Variants in PRDM10 observed in about 807,000 individuals in gnomAD.
PRDM10 encodes the protein PR/SET domain 10.
In PRDM10, 65 loss-of-function variants were observed where a neutral mutation model predicts 133.1. The ratio of observed to expected loss-of-function variants is 0.49; its 90% CI spans 0.40 to 0.60. The LOEUF (loss-of-function observed/expected upper bound fraction) is 0.60. Ranked by LOEUF, PRDM10 falls within the 20% of genes least tolerant of loss-of-function variation. PRDM10 has a pLI of 0.00. For synonymous variants in PRDM10, 582 were observed against 580.4 expected (o/e 1.00, Z -0.04); for missense variants, 1,137 against 1,507.1 (o/e 0.75, Z 4.07).
chr11:129,942,324 CT>C, intron 7 of PRDM10, 101 bp downstream of exon 7: 6 of 1,252,214 alleles, frequency 4.8e-6, no homozygotes, highest in Non-Finnish European at 6.6e-6. Flanking sequence ...CCCCCTCCCC[CT>C]TTTTTGTTAA....
intron 1 of PRDM10, among the ~76,000 whole-genome samples, chr11:129,977,220 AG>A (rs1937807680): frequency 6.6e-6 from 1 of 151,346 alleles, no homozygotes; most frequent in East Asian, 1.9e-4. Context: ...GAGCTACTAA[AG>A]CCTAGAAATT....
intron 19 of PRDM10, among the ~76,000 whole-genome samples, chr11:129,905,987 A>C (rs1950004830): frequency 6.6e-6 from 1 of 152,244 alleles, no homozygotes; most frequent in Non-Finnish European, 1.5e-5. Context: ...ATATCCACAA[A>C]GACAAATACT....
intron 1 of PRDM10, among the ~76,000 whole-genome samples, chr11:129,984,845 T>G (rs956149920): frequency 2.0e-5 from 3 of 152,186 alleles, no homozygotes; most frequent in African/African-American, 7.2e-5. Context: ...AACAGCCATC[T>G]CCTCTGCGAG....
chr11:130,000,564 T>C (rs960560150), intron 1 of PRDM10, among the ~76,000 whole-genome samples: 1 of 152,150 alleles, frequency 6.6e-6, no homozygotes, highest in African/African-American at 2.4e-5. Context: ...TGACATACAA[T>C]ATATGATTAA....
chr11:129,914,613 C>T, intron 17 of PRDM10, 91 bp downstream of exon 17: 1 of 1,539,194 alleles, frequency 6.5e-7, no homozygotes, highest in Non-Finnish European at 9.0e-7. Flanking sequence ...CGCAGAAGGA[C>T]ATTACATAGA....
In PRDM10 at chr11:129,947,079, C is replaced by A. The variant is rs543126079; in HGVS notation, c.520+66G>T. 2.5e-6 allele frequency: 4 copies of A among 1,576,106 alleles called. No individual in the cohort carries two copies. Among genetic ancestry groups the A allele is most frequent in the African/African-American group, 2.7e-5 (2 of 74,340 alleles). The stretch of plus-strand genomic sequence containing the variant: ...CGCACGGGAGCTATGTTCACACACA[C>A]GCACACGTACACAGACACACAAGAT... On this transcript the variant is annotated intron_variant, in intron 5 of 20. Coordinates refer to ENST00000360871, the MANE Select transcript of PRDM10 (RefSeq NM_199437.2). The surrounding 1 kb of genome is among the most constrained non-coding windows in gnomAD (Gnocchi z 4.6).
intron 9 of PRDM10, among the ~76,000 whole-genome samples, chr11:129,932,611 C>T (rs1355051105): frequency 3.3e-5 from 5 of 152,148 alleles, no homozygotes; most frequent in Non-Finnish European, 7.3e-5. Flanking sequence ...TTCCCCTGGC[C>T]TCGCCTCATA....
chr11:129,930,611 G>T (rs59795086), intron 11 of PRDM10, among the ~76,000 whole-genome samples: 2,014 of 152,330 alleles, frequency 0.013, 36 homozygotes, highest in African/African-American at 0.045. Flanking sequence ...GGAAGCTGTA[G>T]ATAAGCACAT....
chr11:129,915,738 G>A lies in PRDM10; in HGVS notation c.2448C>T (p.Ser816=). 1.2e-6 allele frequency: 2 copies of A among 1,614,194 alleles called. No homozygotes were observed. The highest frequency in any genetic ancestry group is 1.7e-6 in the Non-Finnish European group (2 of 1,180,042). The change falls in exon 16 of 21, where the codon AGC becomes AGT. Residue 816 remains serine, a synonymous_variant. Transcript: ENST00000360871. ...TGGTGCCCGTCAGCTGGGTGTGTGT[G>A]CTCAGCATGGGGTCTGGCTCTCCAG... ...AGPGEPDPML[S]THTQLTGTIA... is the part of the protein sequence containing the mutation.
At chr11:129,971,852 G>A (rs1047966900) in intron 1 of PRDM10, among the ~76,000 whole-genome samples, 1 of 152,234 alleles carries the variant, frequency 6.6e-6, no homozygotes, top group African/African-American at 2.4e-5. Context: ...GCCCTTGGGT[G>A]GTCGATGGGA....
chr11:129,942,680 G>C (rs779904830), intron 6 of PRDM10, 51 bp from the exon 7 acceptor site: 1 of 1,469,338 alleles, frequency 6.8e-7, no homozygotes. Context: ...TTCAATATGA[G>C]ACACATTTTA....
chr11:129,908,064 T>C (rs1308142738), intron 19 of PRDM10, among the ~76,000 whole-genome samples: 1 of 151,834 alleles, frequency 6.6e-6, no homozygotes, highest in Non-Finnish European at 1.5e-5. Context: ...CACACCACTG[T>C]ACTCCAGACT....
intron 1 of PRDM10, among the ~76,000 whole-genome samples, chr11:129,963,382 G>GAGA (rs775553291): frequency 5.4e-5 from 4 of 74,582 alleles, no homozygotes; most frequent in Admixed American, 4.4e-4. Flanking sequence ...AAAGAAAAAA[G>GAGA]AGAGAAGAGA....
At chr11:129,944,534 G>C (rs1190910705) in intron 6 of PRDM10, among the ~76,000 whole-genome samples, 1 of 150,214 alleles carries the variant, frequency 6.7e-6, no homozygotes, top group Non-Finnish European at 1.5e-5. Context: ...GCAGTGAGCC[G>C]AGATCGCGCC....
chr11:129,997,274 G>A (rs1353730542), intron 1 of PRDM10, among the ~76,000 whole-genome samples: 1 of 152,208 alleles, frequency 6.6e-6, no homozygotes, highest in Non-Finnish European at 1.5e-5. Context: ...AGCCACAGGA[G>A]TTCCAGACCA....
rs750974621 is a variant in PRDM10 at position 129,931,209 on chromosome 11, G to A, written c.1337C>T (p.Ala446Val). 3 of 1,614,150 alleles carry A rather than the reference G, an allele frequency of 1.9e-6. No homozygotes were observed. The highest frequency in any genetic ancestry group is 1.7e-5 in the Admixed American group (1 of 60,030). Residue 446 changes from alanine to valine, a missense_variant, in exon 11 of 21, where the codon GCC (alanine) becomes GTC (valine). By Grantham distance (64) the Ala-to-Val change is moderately conservative. Around this residue, in one of 6 missense-constraint regions of PRDM10, gnomAD observed 635 missense variants for 835.2 expected, o/e 0.76. Coordinates refer to ENST00000360871, the MANE Select transcript of PRDM10 (RefSeq NM_199437.2). ...TGGTTGATCCAGCCCATTCAGAGTG[G>A]CTGGTTCAGCCTCATCAAATTGCTC... ...TKEQFDEAEP[A>V]TLNGLDQPEQ...
At chr11:130,001,964 C>T (rs1253180756) in intron 1 of PRDM10, among the ~76,000 whole-genome samples, 1 of 151,562 alleles carries the variant, frequency 6.6e-6, no homozygotes, top group Admixed American at 6.6e-5. Context: ...GCCGGCCCCC[C>T]GCCCCGGTCC....
chr11:129,927,478 G>A (rs998426191), intron 11 of PRDM10, among the ~76,000 whole-genome samples: 1 of 152,050 alleles, frequency 6.6e-6, no homozygotes, highest in African/African-American at 2.4e-5. Context: ...CAGACACAAT[G>A]CACATTGACT....
chr11:129,979,657 G>A (rs1437027933), intron 1 of PRDM10, among the ~76,000 whole-genome samples: 1 of 152,198 alleles, frequency 6.6e-6, no homozygotes, highest in Non-Finnish European at 1.5e-5. Context: ...AGCACAGTCT[G>A]GTAAGCAAAG....
Sources: gnomAD v4.1 joint callset for allele counts (sites outside exome capture counted in the v4.1 genomes callset) on GRCh38, gnomAD v4.1.1 for gene constraint, gnomAD v4.1.1 regional missense constraint, Gnocchi (gnomAD v3.1) non-coding constraint, MANE v1.5 for transcripts, NCBI Gene and HGNC (gene_info 2026-07-23, HGNC 2026-07-21) for gene names.